TMPRSS7: variants seen among roughly 807,000 people sequenced by gnomAD.
TMPRSS7 encodes the protein transmembrane protease serine 7.
Under a neutral mutation model 95.6 loss-of-function variants are expected in TMPRSS7, and 81 were observed. The observed-to-expected ratio is 0.85, with a 90% confidence interval of 0.71 to 1.02. The LOEUF (loss-of-function observed/expected upper bound fraction) is 1.02, where lower values mean the gene tolerates loss of function less well. Among genes scored for constraint, TMPRSS7 ranks in the 50% least tolerant of loss-of-function variants. The pLI is 0.00. For synonymous variants in TMPRSS7, 364 were observed against 337.8 expected (o/e 1.08, Z -0.85); for missense variants, 945 against 955.2 (o/e 0.99, Z 0.14).
At chr3:112,078,277 T>A (rs1474686019) in intron 16 of TMPRSS7, among the ~76,000 whole-genome samples, 2 of 152,344 alleles carry the variant, frequency 1.3e-5, no homozygotes, top group East Asian at 3.9e-4. Context: ...TACACTTATT[T>A]TTCTGAATCA....
chr3:112,057,977 A>C (rs77230791), intron 10 of TMPRSS7, among the ~76,000 whole-genome samples: 36,474 of 151,948 alleles, frequency 0.24, 4,528 homozygotes, highest in Middle Eastern at 0.28. Flanking sequence ...CCACCTTCCT[A>C]AGCCTCCCAA....
rs2073270447 is a variant in TMPRSS7 at position 112,045,741 on chromosome 3, T to A, written c.498-9T>A. On this transcript the variant is annotated splice_polypyrimidine_tract_variant and intron_variant, in intron 4 of 17. Transcript: ENST00000452346. ...GAGGTCCCTGATGATCTCTCTTTTTTCGTTATAGCAGCAACAACAAAGGCG... is the reference window on the plus strand; with the variant it reads ...GAGGTCCCTGATGATCTCTCTTTTTACGTTATAGCAGCAACAACAAAGGCG... The A allele has an allele frequency of 6.5e-7, 1 of 1,541,874 alleles. No individual in the cohort carries two copies. Among genetic ancestry groups the A allele is most frequent in the East Asian group, 2.4e-5 (1 of 40,854 alleles).
intron 3 of TMPRSS7, among the ~76,000 whole-genome samples, chr3:112,043,671 G>A (rs4682081): frequency 0.32 from 49,004 of 152,038 alleles, 8,151 homozygotes; most frequent in African/African-American, 0.39. Context: ...GAGTGAGTTT[G>A]CTTTTAGAAA....
intron 17 of TMPRSS7, among the ~76,000 whole-genome samples, chr3:112,079,388 CTACATGATTGCCAAAGAG>C (rs2073751288): frequency 6.6e-6 from 1 of 152,166 alleles, no homozygotes; most frequent in Non-Finnish European, 1.5e-5. Context: ...ATGCAGTTAC[CTACATGATTGCCAAAGAG>C]TAAATAGATG....
intron 10 of TMPRSS7, among the ~76,000 whole-genome samples, chr3:112,057,507 A>G (rs2073447039): frequency 6.6e-6 from 1 of 152,214 alleles, no homozygotes; most frequent in East Asian, 1.9e-4. Context: ...GGAAAGTCCC[A>G]GTTGGCCTGG....
intron 9 of TMPRSS7, among the ~76,000 whole-genome samples, chr3:112,051,559 CTATCTATG>C (rs1363379195): frequency 3.1e-4 from 34 of 108,130 alleles, no homozygotes; most frequent in African/African-American, 6.2e-4. Context: ...ATCTATCTAT[CTATCTATG>C]TATCTATCTA....
chr3:112,063,725 T>A, intron 12 of TMPRSS7, 93 bp downstream of exon 12: 1 of 1,063,842 alleles, frequency 9.4e-7, no homozygotes, highest in Non-Finnish European at 1.4e-6. Flanking sequence ...GTATTTGTAG[T>A]TATTATCTAT....
Position 112,044,236 on chromosome 3 carries a change from C to T in TMPRSS7, c.430-19C>T. ...GTCAAGTATGAAATACTTCAGATAC[C>T]TCAACTATTCTTTTTCAGATAAACC... is the stretch of plus-strand genomic sequence containing the variant. On this transcript the variant is annotated intron_variant, in intron 3 of 17. Coordinates refer to ENST00000452346, the Ensembl canonical transcript of TMPRSS7. 2 of 1,520,838 alleles carry T rather than the reference C, an allele frequency of 1.3e-6. No homozygotes were observed. The highest frequency in any genetic ancestry group is 1.2e-5 in the South Asian group (1 of 83,398). 94.2% of individuals were successfully genotyped at this position (1,520,838 alleles called of 1,614,324 possible).
At chr3:112,070,005 C>A (rs759219353) in intron 13 of TMPRSS7, among the ~76,000 whole-genome samples, 1 of 152,214 alleles carries the variant, frequency 6.6e-6, no homozygotes, top group African/African-American at 2.4e-5. Flanking sequence ...TTAAATGTGT[C>A]CCAGAGATTC....
At chr3:112,046,026 A>C in intron 5 of TMPRSS7, 83 bp downstream of exon 5, 30 of 1,179,940 alleles carry the variant, frequency 2.5e-5, no homozygotes, top group Middle Eastern at 2.8e-4. Context: ...CATTGTAATG[A>C]AGCATTACAA....
intron 12 of TMPRSS7, 105 bp from the exon 13 acceptor site, chr3:112,066,287 A>C: frequency 1.1e-6 from 1 of 888,802 alleles, no homozygotes; most frequent in South Asian, 1.7e-5. Flanking sequence ...TTTGTTTTAT[A>C]GGTCATCCTA....
At chr3:112,059,118 T>C (rs1028808174) in intron 10 of TMPRSS7, among the ~76,000 whole-genome samples, 4 of 152,150 alleles carry the variant, frequency 2.6e-5, no homozygotes, top group South Asian at 2.1e-4. Context: ...GAGGTGTGAA[T>C]GCTCAGGGCA....
chr3:112,036,584 G>T (rs1220218227), intron 1 of TMPRSS7, among the ~76,000 whole-genome samples: 12 of 151,704 alleles, frequency 7.9e-5, no homozygotes, highest in Admixed American at 1.3e-4. Context: ...AAAAAAGGAG[G>T]GGGGAGGGGC....
chr3:112,052,283 T>C (rs1444725513), intron 9 of TMPRSS7, among the ~76,000 whole-genome samples: 1 of 151,982 alleles, frequency 6.6e-6, no homozygotes, highest in African/African-American at 2.4e-5. Context: ...GAACTAACCT[T>C]GTGAATACCA....
At chr3:112,069,166 ATGAAGCCCACTTGATCATGG>A (rs2073611964) in intron 13 of TMPRSS7, among the ~76,000 whole-genome samples, 1 of 152,206 alleles carries the variant, frequency 6.6e-6, no homozygotes, top group Admixed American at 6.5e-5. Flanking sequence ...TGTCCCAAAG[ATGAAGCCCACTTGATCATGG>A]TGGATAAGCT....
At chr3:112,052,165 G>A (rs2073369011) in intron 9 of TMPRSS7, among the ~76,000 whole-genome samples, 1 of 152,054 alleles carries the variant, frequency 6.6e-6, no homozygotes, top group Non-Finnish European at 1.5e-5. Context: ...TGAGTTGGGG[G>A]TGGGAGGTGT....
chr3:112,063,636 G>A lies in TMPRSS7; in HGVS notation c.1555+4G>A, dbSNP rs937793887. ...GAAAGTGATGAACTGTTTTGCGGTG[G>A]GTATTCAAGATTTTAATATGACTTT... On this transcript the variant is annotated splice_donor_region_variant and intron_variant, in intron 12 of 17. Coordinates refer to ENST00000452346, the Ensembl canonical transcript of TMPRSS7. The A allele has an allele frequency of 2.9e-5, 46 of 1,611,098 alleles. No homozygotes were observed. The highest frequency in any genetic ancestry group is 3.7e-5 in the Non-Finnish European group (44 of 1,177,434).
intron 4 of TMPRSS7, among the ~76,000 whole-genome samples, chr3:112,045,138 G>A (rs2120093): frequency 0.88 from 133,968 of 152,238 alleles, 60,253 homozygotes; most frequent in East Asian, 1. Context: ...ATCAAACATT[G>A]TAATGGTTTT....
In TMPRSS7 at chr3:112,049,831, T is replaced by C; in HGVS notation, c.960-13T>C. 1 of 1,510,000 alleles carries C rather than the reference T, an allele frequency of 6.6e-7. No individual in the cohort carries two copies. Among genetic ancestry groups the C allele is most frequent in the South Asian group, 1.3e-5 (1 of 74,522 alleles). The allele number at this position is 1,510,000 out of a possible 1,614,324, so 93.5% of individuals were successfully genotyped here. A position where few individuals can be genotyped will look rare whatever the true frequency, so the allele number is the denominator to read the frequency against. ...TATTATTCATGTACTTTTGTTTTAT[T>C]ATCTGCTTTCAGAATTTGTGAACCC... On this transcript the variant is annotated splice_polypyrimidine_tract_variant and intron_variant, in intron 7 of 17. Transcript: ENST00000452346.
Sources: allele counts gnomAD v4.1 joint callset (sites outside exome capture counted in the v4.1 genomes callset), GRCh38; gene constraint gnomAD v4.1.1; transcripts MANE v1.5; gene names NCBI Gene and HGNC (gene_info 2026-07-23, HGNC 2026-07-21).